The following SUPT3H variants were observed in gnomAD, a reference collection of about 807,000 sequenced individuals.
The protein encoded by SUPT3H is SPT3 homolog, SAGA and STAGA complex component.
Under a neutral mutation model 44.3 loss-of-function variants are expected in SUPT3H, and 44 were observed. The observed-to-expected ratio is 0.99, with a 90% CI of 0.78 to 1.28. The LOEUF is 1.28. SUPT3H is among the 50% of genes most tolerant of loss of function. The pLI, the probability that SUPT3H is intolerant of heterozygous loss-of-function variation, is 0.00. For missense variants in SUPT3H, 380 were observed against 387.1 expected, an observed-to-expected ratio of 0.98 and a Z score of 0.15; for synonymous variants, 124 against 125.6, an observed-to-expected ratio of 0.99 and a Z score of 0.09.
intron 10 of SUPT3H, among the ~76,000 whole-genome samples, chr6:44,928,929 A>G (rs1469242246): frequency 2.7e-5 from 4 of 149,738 alleles, no homozygotes; most frequent in Non-Finnish European, 4.4e-5. Context: ...CAAATCACCA[A>G]TGAAAACCAA....
At chr6:45,181,099 AG>A (rs1215938299) in intron 2 of SUPT3H, among the ~76,000 whole-genome samples, 2 of 151,374 alleles carry the variant, frequency 1.3e-5, no homozygotes, top group Non-Finnish European at 2.9e-5. Flanking sequence ...TATGCAGCCA[AG>A]AAACACATGA....
chr6:44,979,661 T>C (rs1409558874), intron 6 of SUPT3H, among the ~76,000 whole-genome samples: 1 of 152,052 alleles, frequency 6.6e-6, no homozygotes, highest in Non-Finnish European at 1.5e-5. Flanking sequence ...CATTAAAAGG[T>C]GATGAGTTTG....
intron 3 of SUPT3H, among the ~76,000 whole-genome samples, chr6:45,069,686 AG>A (rs1794071207): frequency 6.6e-6 from 1 of 152,168 alleles, no homozygotes; most frequent in Admixed American, 6.5e-5. Flanking sequence ...GAAATATATG[AG>A]GGCGAGGAAA....
chr6:45,145,206 C>A (rs1562546243), intron 2 of SUPT3H, among the ~76,000 whole-genome samples: 1 of 151,884 alleles, frequency 6.6e-6, no homozygotes, highest in African/African-American at 2.4e-5. Flanking sequence ...TCCTACATAG[C>A]CAAAAAAAGA....
At chr6:44,920,206 A>G (rs1213234360) in intron 10 of SUPT3H, among the ~76,000 whole-genome samples, 10 of 152,062 alleles carry the variant, frequency 6.6e-5, no homozygotes, top group Admixed American at 5.9e-4. Context: ...TCTACAACAC[A>G]GAGCTGTTCA....
chr6:45,197,271 T>C (rs971100044), intron 2 of SUPT3H, among the ~76,000 whole-genome samples: 2 of 151,670 alleles, frequency 1.3e-5, no homozygotes, highest in African/African-American at 4.8e-5. Context: ...TGTCACTTGA[T>C]CATTTCAGAT....
chr6:44,845,602 C>T (rs1327775586), intron 10 of SUPT3H, among the ~76,000 whole-genome samples: 2 of 152,132 alleles, frequency 1.3e-5, no homozygotes, highest in African/African-American at 4.8e-5. Flanking sequence ...CCCTGGTCCA[C>T]CACGCCCCGA....
At chr6:45,190,062 T>C (rs768667203) in intron 2 of SUPT3H, among the ~76,000 whole-genome samples, 3 of 152,296 alleles carry the variant, frequency 2.0e-5, no homozygotes, top group Non-Finnish European at 2.9e-5. Flanking sequence ...TTAATATATG[T>C]TCCAGAGGAA....
chr6:45,125,640 T>A (rs1281996601), intron 2 of SUPT3H, among the ~76,000 whole-genome samples: 1 of 152,190 alleles, frequency 6.6e-6, no homozygotes, highest in Non-Finnish European at 1.5e-5. Context: ...TACATGGGTC[T>A]CCACTTACAC....
intron 2 of SUPT3H, among the ~76,000 whole-genome samples, chr6:45,180,324 A>G (rs990652175): frequency 2.0e-5 from 3 of 149,886 alleles, no homozygotes; most frequent in African/African-American, 4.9e-5. Flanking sequence ...TGCCATCCCC[A>G]TCAAGCTACC....
chr6:44,893,649 CTT>C (rs1351841331), intron 10 of SUPT3H, among the ~76,000 whole-genome samples: 1 of 151,442 alleles, frequency 6.6e-6, no homozygotes, highest in East Asian at 1.9e-4. Context: ...GGTTCCAAGT[CTT>C]TGCTATTGTG....
At chr6:45,056,752 C>T (rs1306289683) in intron 3 of SUPT3H, among the ~76,000 whole-genome samples, 1 of 152,054 alleles carries the variant, frequency 6.6e-6, no homozygotes, top group African/African-American at 2.4e-5. Flanking sequence ...GGAAAGTGTA[C>T]ACTGCGTGGG....
At chr6:44,913,932 CAACTT>C (rs1767431291) in intron 10 of SUPT3H, among the ~76,000 whole-genome samples, 1 of 152,128 alleles carries the variant, frequency 6.6e-6, no homozygotes, top group African/African-American at 2.4e-5. Context: ...TATCAACTAT[CAACTT>C]GAGTCCTCAT....
intron 6 of SUPT3H, among the ~76,000 whole-genome samples, chr6:44,985,212 T>TAAAATA (rs3053669): frequency 0.32 from 35,606 of 112,816 alleles, 6,634 homozygotes; most frequent in East Asian, 0.45. Context: ...AATAAATAAA[T>TAAAATA]AAATAAAATA....
intron 2 of SUPT3H, among the ~76,000 whole-genome samples, chr6:45,111,306 T>C (rs1583597052): frequency 6.6e-6 from 1 of 152,150 alleles, no homozygotes; most frequent in Admixed American, 6.5e-5. Context: ...GCTATGATTA[T>C]AGGCTTGATC....
chr6:45,371,834 C>T (rs1021646666), intron 1 of SUPT3H: 3 of 984,324 alleles, frequency 3.0e-6, no homozygotes, highest in Non-Finnish European at 3.6e-6. Flanking sequence ...TCTGAGCAGA[C>T]TTCAGAACTA....
At chr6:45,050,147 T>G (rs1001111615) in intron 3 of SUPT3H, among the ~76,000 whole-genome samples, 10 of 152,164 alleles carry the variant, frequency 6.6e-5, no homozygotes, top group Non-Finnish European at 1.2e-4. Flanking sequence ...CCTGAAGTAC[T>G]TCTATAAAAG....
intron 6 of SUPT3H, among the ~76,000 whole-genome samples, chr6:44,988,623 A>AT (rs1342575944): frequency 6.6e-6 from 1 of 150,928 alleles, no homozygotes; most frequent in South Asian, 2.1e-4. Context: ...AAATTTTCCT[A>AT]TTTTTAAAAA....
intron 2 of SUPT3H, among the ~76,000 whole-genome samples, chr6:45,256,812 C>T (rs769633399): frequency 2.6e-5 from 4 of 152,178 alleles, no homozygotes; most frequent in African/African-American, 9.7e-5. Flanking sequence ...TGTGGATATA[C>T]CACATTTTGC....
Sources: allele counts gnomAD v4.1 joint callset (sites outside exome capture counted in the v4.1 genomes callset), GRCh38; gene constraint gnomAD v4.1.1; transcripts MANE v1.5; gene names NCBI Gene and HGNC (gene_info 2026-07-23, HGNC 2026-07-21).